The following CORIN variants were observed in gnomAD, a reference collection of about 807,000 sequenced individuals.
CORIN encodes the protein atrial natriuretic peptide-converting enzyme.
In CORIN, 117 loss-of-function variants were observed where a neutral mutation model predicts 125.3. The observed-to-expected ratio is 0.93, with a 90% CI of 0.80 to 1.09. The LOEUF (loss-of-function observed/expected upper bound fraction) is 1.09. Among genes scored for constraint, CORIN ranks in the 50% least tolerant of loss-of-function variants. The pLI is 0.00. For synonymous variants in CORIN, 450 were observed against 466.4 expected (o/e 0.96, Z 0.45); for missense variants, 1,253 against 1,306.7 (o/e 0.96, Z 0.63).
chr4:47,641,852 A>C, intron 16 of CORIN, 68 bp downstream of exon 16: 66 of 1,562,644 alleles, frequency 4.2e-5, no homozygotes, highest in Non-Finnish European at 5.2e-5. Flanking sequence ...ATCCTAAGGA[A>C]GATATTACTG....
intron 1 of CORIN, among the ~76,000 whole-genome samples, chr4:47,828,005 C>T (rs73137929): frequency 2.5e-4 from 38 of 152,298 alleles, no homozygotes; most frequent in African/African-American, 8.9e-4. Flanking sequence ...TTCCTCTGAT[C>T]AGTCTTTTGG....
At chr4:47,740,012 A>T (rs906127501) in intron 5 of CORIN, among the ~76,000 whole-genome samples, 21 of 151,980 alleles carry the variant, frequency 1.4e-4, no homozygotes, top group African/African-American at 5.1e-4. Context: ...ATGAAGGATC[A>T]AGAAATACAA....
chr4:47,837,626 A>T (rs1349644067), intron 1 of CORIN: 1 of 585,572 alleles, frequency 1.7e-6, no homozygotes, highest in Non-Finnish European at 3.0e-6. Context: ...TCGAACACTG[A>T]AGGAAACCCT....
chr4:47,666,480 G>A (rs150145471), intron 10 of CORIN, among the ~76,000 whole-genome samples: 104 of 152,262 alleles, frequency 6.8e-4, no homozygotes, highest in African/African-American at 2.0e-3. Context: ...GGATGCACGC[G>A]CTGGTAGCTG....
At position 47,806,941 on chromosome 4, in the gene CORIN, G is replaced by C; in HGVS notation, c.170C>G (p.Ala57Gly). 6.2e-7 allele frequency: 1 copy of C among 1,613,756 alleles called. No homozygotes were observed. The highest frequency in any genetic ancestry group is 8.5e-7 in the Non-Finnish European group (1 of 1,179,762). ...CAGGATCACCAGCAAGAGAACGAGA[G>C]CACAGATACATGGAATCAGGACCAG... ...LLLVLIPCIC[A>G]LVLLLVILLS... Residue 57 changes from alanine (A) to glycine (G), a missense_variant, in exon 2 of 22, where the codon GCT (alanine) becomes GGT (glycine). Ala to Gly is a moderately conservative substitution (Grantham distance 60). Transcript: ENST00000273857.
At chr4:47,797,195 G>T (rs1037360366) in intron 2 of CORIN, among the ~76,000 whole-genome samples, 2 of 148,650 alleles carry the variant, frequency 1.3e-5, no homozygotes, top group Non-Finnish European at 3.0e-5. Flanking sequence ...GTTGCATGAT[G>T]ATGTATATTT....
intron 20 of CORIN, 105 bp from the exon 21 acceptor site, chr4:47,600,452 T>G: frequency 1.4e-6 from 1 of 737,322 alleles, no homozygotes; most frequent in East Asian, 2.9e-5. Context: ...ATAAATATTT[T>G]TATACCAAGA....
chr4:47,665,235 G>T lies in CORIN; in HGVS notation c.1386C>A (p.Leu462=). 6.2e-7 allele frequency: 1 copy of T among 1,613,692 alleles called. No individual in the cohort carries two copies. Among genetic ancestry groups the T allele is most frequent in the Non-Finnish European group, 8.5e-7 (1 of 1,179,674 alleles). Residue 462 remains leucine (L), a synonymous_variant, in exon 11 of 22, where the codon CTC becomes CTA. Coordinates refer to ENST00000273857, the MANE Select transcript of CORIN (RefSeq NM_006587.4). ...TACTGTTGTAGGGCAAATTCATGCA[G>T]AGTTCCAATGTAATTGGTTCACATT... ...CSQCEPITLE[L]CMNLPYNSTS...
rs557077494 is a variant in CORIN, at chr4:47,632,194, C to G, written c.2199-5673G>C. 30 of 152,274 alleles carry G rather than the reference C, an allele frequency of 2.0e-4. 1 individual carries two copies. The highest frequency in any genetic ancestry group is 6.7e-4 in the African/African-American group (28 of 41,558). The allele number at this position is 152,274 out of a possible 1,614,324, so 9.4% of individuals were successfully genotyped here. On this transcript the variant is annotated intron_variant, in intron 16 of 21. Coordinates refer to ENST00000273857, the MANE Select transcript of CORIN (RefSeq NM_006587.4). ...TACCTCTAACAACAAGACAGAAGTGCAGGAATTACCTAGACATGTAACACA... is the reference window on the plus strand; with the variant it reads ...TACCTCTAACAACAAGACAGAAGTGGAGGAATTACCTAGACATGTAACACA...
chr4:47,807,103 A>C, intron 1 of CORIN, 56 bp from the exon 2 acceptor site: 1 of 1,431,538 alleles, frequency 7.0e-7, no homozygotes, highest in Non-Finnish European at 9.6e-7. Flanking sequence ...CATGGTATGA[A>C]ATTTTAGGTT....
rs1723308894 is a variant in CORIN at position 47,643,182 on chromosome 4, C to T, written c.2032G>A (p.Ala678Thr). ...TCATCTGAACTGTCTGAGCAGTCGG[C>T]TTCACCATCACACCACAGGTCACGT... The part of the protein sequence containing the change: ...VSRDLWCDGE[A>T]DCSDSSDEWD... The change falls in exon 15 of 22, where the codon GCC becomes ACC. Residue 678 changes from alanine to threonine, a missense_variant. Ala to Thr is a moderately conservative substitution (Grantham distance 58, BLOSUM62 0). Coordinates refer to ENST00000273857, the MANE Select transcript of CORIN (RefSeq NM_006587.4). 6.2e-7 allele frequency: 1 copy of T among 1,613,954 alleles called. No individual in the cohort carries two copies. Among genetic ancestry groups the T allele is most frequent in the African/African-American group, 1.3e-5 (1 of 74,910 alleles).
intron 6 of CORIN, 90 bp from the exon 7 acceptor site, chr4:47,683,928 G>A (rs954798428): frequency 1.9e-5 from 17 of 918,694 alleles, no homozygotes; most frequent in Non-Finnish European, 2.8e-5. Context: ...TCATGGAAGG[G>A]ACACCCTAAT....
chr4:47,720,831 C>T (rs2109796537), intron 5 of CORIN, among the ~76,000 whole-genome samples: 1 of 152,162 alleles, frequency 6.6e-6, no homozygotes, highest in East Asian at 1.9e-4. Context: ...GATGTGTACA[C>T]TATGTTTATG....
chr4:47,694,433 G>GTC (rs373867765), intron 5 of CORIN, among the ~76,000 whole-genome samples: 1 of 151,722 alleles, frequency 6.6e-6, no homozygotes, highest in Non-Finnish European at 1.5e-5. Context: ...ATCTCCTTCT[G>GTC]TCTCTCTCTC....
chr4:47,727,325 C>T (rs2109807411), intron 5 of CORIN, among the ~76,000 whole-genome samples: 1 of 152,078 alleles, frequency 6.6e-6, no homozygotes, highest in Non-Finnish European at 1.5e-5. Flanking sequence ...AGTAGGAACA[C>T]AATTGATGCC....
At chr4:47,689,976 T>G (rs1725695912) in intron 6 of CORIN, among the ~76,000 whole-genome samples, 1 of 152,214 alleles carries the variant, frequency 6.6e-6, no homozygotes, top group South Asian at 2.1e-4. Flanking sequence ...TTTCCTGGTT[T>G]TTGAAAATTT....
At position 47,742,329 on chromosome 4, in the gene CORIN, A is replaced by G. The variant is rs555056232; in HGVS notation, c.799+2073T>C. ...AGAAACAGAAAGCAGAATGACTGAA[A>G]AGGAGGAAATAAATTGTCATTATTT... On this transcript the variant is annotated intron_variant, in intron 5 of 21. Transcript: ENST00000273857. Among the ~76,000 whole-genome samples, 5 of 152,130 alleles carry G rather than the reference A, an allele frequency of 3.3e-5. No individual in the cohort carries two copies. The East Asian group carries it at 9.6e-4, about 29-fold the overall frequency.
intron 4 of CORIN, among the ~76,000 whole-genome samples, chr4:47,759,211 T>C (rs965234817): frequency 2.6e-5 from 4 of 152,132 alleles, no homozygotes; most frequent in African/African-American, 9.7e-5. Flanking sequence ...GCATAGGATA[T>C]GCAAAAATGA....
intron 3 of CORIN, among the ~76,000 whole-genome samples, chr4:47,781,855 G>A (rs755321343): frequency 5.3e-4 from 80 of 151,248 alleles, no homozygotes; most frequent in African/African-American, 1.8e-3. Flanking sequence ...GGAGAATCGC[G>A]TGAACCTGGA....
Sources: allele counts gnomAD v4.1 joint callset (sites outside exome capture counted in the v4.1 genomes callset), GRCh38; gene constraint gnomAD v4.1.1; transcripts MANE v1.5; gene names NCBI Gene and HGNC (gene_info 2026-07-23, HGNC 2026-07-21).